PPP1R12A: variants seen among roughly 807,000 people sequenced by gnomAD.
PPP1R12A encodes protein phosphatase 1 regulatory subunit 12A.
In PPP1R12A, 19 loss-of-function variants were observed where a neutral mutation model predicts 139.6. That is an observed-to-expected ratio of 0.14 (90% CI 0.09 to 0.20). The LOEUF (loss-of-function observed/expected upper bound fraction) is 0.20, where lower values mean the gene tolerates loss of function less well. Among genes scored for constraint, PPP1R12A ranks in the 10% least tolerant of loss-of-function variants. The pLI is 1.00. For missense variants in PPP1R12A, 925 were observed against 1,211.5 expected (o/e 0.76, Z 3.51); for synonymous variants, 427 against 420.6 (o/e 1.02, Z -0.19).
chr12:79,855,150 G>A (rs1290958205), intron 2 of PPP1R12A, among the ~76,000 whole-genome samples: 10 of 151,788 alleles, frequency 6.6e-5, no homozygotes, highest in African/African-American at 1.9e-4. Context: ...CACCACGCCC[G>A]GCTAATTTTT....
At chr12:79,826,089 T>A (rs1213381309) in intron 5 of PPP1R12A, among the ~76,000 whole-genome samples, 9 of 151,860 alleles carry the variant, frequency 5.9e-5, no homozygotes, top group Non-Finnish European at 1.5e-5. Flanking sequence ...TTTTTATAGC[T>A]TAATAGTATC....
chr12:79,916,285 T>C (rs1014911369), intron 1 of PPP1R12A, among the ~76,000 whole-genome samples: 3 of 152,326 alleles, frequency 2.0e-5, no homozygotes, highest in African/African-American at 7.2e-5. Context: ...AAAAGTCCTC[T>C]TTTCACTGCC....
chr12:79,849,982 C>A (rs1453787631), intron 2 of PPP1R12A, among the ~76,000 whole-genome samples: 1 of 151,944 alleles, frequency 6.6e-6, no homozygotes, highest in Admixed American at 6.6e-5. Context: ...TACTACAACA[C>A]CCAGCTAAAT....
intron 2 of PPP1R12A, among the ~76,000 whole-genome samples, chr12:79,858,465 A>C (rs747463938): frequency 1.6e-4 from 24 of 152,228 alleles, no homozygotes; most frequent in Non-Finnish European, 1.9e-4. Flanking sequence ...TACAAGTATT[A>C]ATATTTCCAT....
chr12:79,811,890 G>T lies in PPP1R12A; in HGVS notation c.1240-1880C>A, dbSNP rs141841183. Among the ~76,000 whole-genome samples the T allele has an allele frequency of 8.5e-3, 1,293 of 152,122 alleles. 22 individuals are homozygous for T. Among genetic ancestry groups the T allele is most frequent in the African/African-American group, 0.03 (1,247 of 41,476 alleles). The stretch of plus-strand genomic sequence containing the variant: ...ACAAACAAAAAACCTGGAAACAAAC[G>T]TTTTTTCCCCCATTATAAAACAGCC... On this transcript the variant is annotated intron_variant, in intron 9 of 24. Coordinates refer to ENST00000450142, the MANE Select transcript of PPP1R12A (RefSeq NM_002480.3).
At chr12:79,913,021 C>T (rs1339617091) in intron 1 of PPP1R12A, among the ~76,000 whole-genome samples, 1 of 152,208 alleles carries the variant, frequency 6.6e-6, no homozygotes, top group African/African-American at 2.4e-5. Context: ...CATTTGATAT[C>T]ATCAGTCTTT....
At chr12:79,880,421 A>C (rs1054453245) in intron 1 of PPP1R12A, among the ~76,000 whole-genome samples, 1 of 152,216 alleles carries the variant, frequency 6.6e-6, no homozygotes, top group Non-Finnish European at 1.5e-5. Flanking sequence ...GGTAGACAGT[A>C]TCTGTAAGTT....
chr12:79,926,262 T>C (rs891397882), intron 1 of PPP1R12A, among the ~76,000 whole-genome samples: 5 of 152,232 alleles, frequency 3.3e-5, no homozygotes, highest in African/African-American at 1.2e-4. Flanking sequence ...CTCAGTTCAC[T>C]CCAACCTCTG....
chr12:79,899,233 A>AAAATAT, intron 1 of PPP1R12A, among the ~76,000 whole-genome samples: 1 of 141,934 alleles, frequency 7.0e-6, no homozygotes, highest in South Asian at 2.3e-4. Context: ...AGATCTTAAA[A>AAAATAT]ATATATATAT....
rs1326433605 is a variant in PPP1R12A at position 79,872,951 on chromosome 12, C to G, written c.238-13G>C. 1 of 1,608,078 alleles carries G rather than the reference C, an allele frequency of 6.2e-7. No individual in the cohort carries two copies. The highest frequency in any genetic ancestry group is 8.5e-7 in the Non-Finnish European group (1 of 1,177,432). ...CATCAATGCAAGCCTAAAAACAAAA[C>G]AGAAAGCAAGATTGGAAAAAATACG... On this transcript the variant is annotated splice_polypyrimidine_tract_variant and intron_variant, in intron 1 of 24. Coordinates refer to ENST00000450142, the MANE Select transcript of PPP1R12A (RefSeq NM_002480.3).
At chr12:79,788,555 T>C in intron 21 of PPP1R12A, 93 bp downstream of exon 21, 4 of 1,190,356 alleles carry the variant, frequency 3.4e-6, no homozygotes, top group Non-Finnish European at 4.6e-6. Context: ...TTCAAAATAC[T>C]CATTTCATTA....
At chr12:79,776,110 A>C in intron 24 of PPP1R12A, 95 bp from the exon 25 acceptor site, 1 of 755,184 alleles carries the variant, frequency 1.3e-6, no homozygotes, top group Non-Finnish European at 2.1e-6. Flanking sequence ...CACAAAACAC[A>C]TGATCAAGCT....
At chr12:79,836,517 C>G (rs1878104858) in intron 3 of PPP1R12A, among the ~76,000 whole-genome samples, 1 of 152,100 alleles carries the variant, frequency 6.6e-6, no homozygotes, top group South Asian at 2.1e-4. Context: ...CAATTACCCT[C>G]TTTAGCTTCC....
At chr12:79,796,735 G>A in intron 17 of PPP1R12A, 47 bp downstream of exon 17, 1 of 1,455,408 alleles carries the variant, frequency 6.9e-7, no homozygotes, top group African/African-American at 1.4e-5. Flanking sequence ...CTAATCCAAA[G>A]GATTATATGA....
In PPP1R12A at chr12:79,820,804, C is replaced by T; in HGVS notation, c.1084G>A (p.Glu362Lys). Residue 362 changes from glutamate to lysine, a missense_variant, in exon 8 of 25, where the codon GAA becomes AAA. By Grantham distance (56) the Glu-to-Lys change is moderately conservative. Transcript: ENST00000450142. ...TCAGCTTCTGATTCCGAGTCATCTT[C>T]CTCATCTTCTTCACTAGAGCAGCTA... ...ESSCSSEEDE[E>K]DDSESEAETD... 6.2e-7 allele frequency: 1 copy of T among 1,612,820 alleles called. No homozygotes were observed. The highest frequency in any genetic ancestry group is 8.5e-7 in the Non-Finnish European group (1 of 1,179,514).
chr12:79,900,638 G>A (rs1169528484), intron 1 of PPP1R12A, among the ~76,000 whole-genome samples: 4 of 152,006 alleles, frequency 2.6e-5, no homozygotes, highest in South Asian at 4.2e-4. Flanking sequence ...TATTTCCCAA[G>A]GTGTATCTTC....
chr12:79,893,813 A>G (rs982630115), intron 1 of PPP1R12A, among the ~76,000 whole-genome samples: 9 of 152,216 alleles, frequency 5.9e-5, no homozygotes, highest in African/African-American at 2.2e-4. Context: ...TAAATAAGTG[A>G]TACTCATGAC....
In PPP1R12A at chr12:79,808,568, T is replaced by C; in HGVS notation, c.1465A>G (p.Ser489Gly). 6.3e-7 allele frequency: 1 copy of C among 1,599,874 alleles called. No individual in the cohort carries two copies. Among genetic ancestry groups the C allele is most frequent in the Non-Finnish European group, 8.6e-7 (1 of 1,169,100 alleles). ...SLDNKEKEKDSKGTRLAYVAP... is the reference protein window; with the variant it reads ...SLDNKEKEKDGKGTRLAYVAP... Reference sequence around the variant, plus strand: ...ACATATGCAAGCCTAGTTCCTTTACTATCTTTCTCCTACACAACAGGGAAA... The same window carrying C: ...ACATATGCAAGCCTAGTTCCTTTACCATCTTTCTCCTACACAACAGGGAAA... Residue 489 changes from serine (S) to glycine (G), a missense_variant, in exon 11 of 25, where the codon AGT (serine) becomes GGT (glycine). Ser to Gly is a moderately conservative substitution (Grantham distance 56). Around this residue, in one of 4 missense-constraint regions of PPP1R12A, gnomAD observed 403 missense variants for 463.7 expected, o/e 0.87. Coordinates refer to ENST00000450142, the MANE Select transcript of PPP1R12A (RefSeq NM_002480.3).
chr12:79,807,060 C>G, intron 12 of PPP1R12A, 166 bp downstream of exon 12: 1 of 447,130 alleles, frequency 2.2e-6, no homozygotes, highest in Non-Finnish European at 3.9e-6. Flanking sequence ...TATCACCTAT[C>G]TTTAAATATA....
Sources: allele counts gnomAD v4.1 joint callset (sites outside exome capture counted in the v4.1 genomes callset), GRCh38; gene constraint gnomAD v4.1.1; regional missense constraint gnomAD v4.1.1; transcripts MANE v1.5; gene names NCBI Gene and HGNC (gene_info 2026-07-23, HGNC 2026-07-21).